The following COQ9 variants were observed in gnomAD, a reference collection of about 807,000 sequenced individuals.
The protein encoded by COQ9 is coenzyme Q9.
A neutral mutation model predicts 42.4 loss-of-function variants in COQ9; 35 were observed. The ratio of observed to expected loss-of-function variants is 0.83; its 90% CI spans 0.63 to 1.10. The LOEUF is 1.10. COQ9 is among the 50% of genes least tolerant of loss of function. The pLI, the probability that COQ9 is intolerant of heterozygous loss-of-function variation, is 0.00. For synonymous variants in COQ9, 155 were observed against 155.1 expected (o/e 1.00, Z 0.00); for missense variants, 406 against 414.6 (o/e 0.98, Z 0.18).
chr16:57,457,138 G>A (rs151301373), intron 5 of COQ9, 123 bp downstream of exon 5: 49 of 797,066 alleles, frequency 6.1e-5, no homozygotes, highest in Admixed American at 2.6e-4. Flanking sequence ...CTATAAACCC[G>A]ACAATACTTA....
At chr16:57,448,072 A>G (rs2030174126) in intron 1 of COQ9, among the ~76,000 whole-genome samples, 1 of 152,230 alleles carries the variant, frequency 6.6e-6, no homozygotes, top group African/African-American at 2.4e-5. Flanking sequence ...GAGTTCTTAA[A>G]GAGGAAACTT....
At chr16:57,460,557 C>A (rs184637775) in intron 8 of COQ9, 32 bp from the exon 9 acceptor site, 2 of 1,611,076 alleles carry the variant, frequency 1.2e-6, no homozygotes, top group South Asian at 2.2e-5. Context: ...GGTAAGCCCT[C>A]ACTATTCTCT....
chr16:57,457,897 G>A (rs1401748615), intron 5 of COQ9, among the ~76,000 whole-genome samples: 1 of 152,226 alleles, frequency 6.6e-6, no homozygotes, highest in Non-Finnish European at 1.5e-5. Context: ...GCTGATGTGT[G>A]TGAACGGACT....
At chr16:57,453,035 C>T (rs1300555252) in intron 3 of COQ9, 99 bp downstream of exon 3, 12 of 1,484,196 alleles carry the variant, frequency 8.1e-6, no homozygotes, top group Non-Finnish European at 1.0e-5. Flanking sequence ...CAGTCTAGCT[C>T]AGAGCCCCTC....
chr16:57,453,154 A>G (rs2030327366), intron 3 of COQ9: 1 of 604,528 alleles, frequency 1.7e-6, no homozygotes, highest in African/African-American at 1.8e-5. Flanking sequence ...TGTGTTCTAA[A>G]GGCAATCTAT....
At chr16:57,456,326 C>A in intron 3 of COQ9, 178 bp from the exon 4 acceptor site, 1 of 680,226 alleles carries the variant, frequency 1.5e-6, no homozygotes. Context: ...CTTGCACACA[C>A]ACCAAGGGGC....
Position 57,451,184 on chromosome 16 carries a change from C to G in COQ9, c.218C>G (p.Pro73Arg), listed in dbSNP as rs1168034413. 1 of 1,614,174 alleles carries G rather than the reference C, an allele frequency of 6.2e-7. No individual in the cohort carries two copies. ...ACACAGGGGGCAGAAAAACCTGATC[C>G]AGAGTCTTCTCATTCACCCCCCAGG... ...SETQGAEKPD[P>R]ESSHSPPRYT... Residue 73 changes from proline (P) to arginine (R), a missense_variant, in exon 2 of 9, where the codon CCA becomes CGA. Pro to Arg is a moderately radical substitution (Grantham distance 103). Transcript: ENST00000262507.
At chr16:57,457,180 G>T in intron 5 of COQ9, 165 bp downstream of exon 5, 1 of 706,894 alleles carries the variant, frequency 1.4e-6, no homozygotes, top group Non-Finnish European at 2.6e-6. Context: ...TTCAAACTTG[G>T]ACATACCAAA....
chr16:57,450,142 T>C (rs1325428345), intron 1 of COQ9, among the ~76,000 whole-genome samples: 2 of 152,204 alleles, frequency 1.3e-5, no homozygotes, highest in African/African-American at 4.8e-5. Context: ...AGGCTGGGCA[T>C]GATGGCTCAC....
chr16:57,452,677 G>A (rs1264936533), intron 2 of COQ9, 124 bp from the exon 3 acceptor site: 1 of 1,169,146 alleles, frequency 8.6e-7, no homozygotes, highest in African/African-American at 1.5e-5. Flanking sequence ...CACATTGATA[G>A]TGACACAAGA....
intron 3 of COQ9, chr16:57,453,428 C>CT (rs2030334944): frequency 1.1e-5 from 3 of 262,928 alleles, no homozygotes; most frequent in South Asian, 8.6e-5. Context: ...CCCAGAAACT[C>CT]TAATAGCATT....
chr16:57,460,057 T>C lies in COQ9; in HGVS notation c.874T>C (p.Ser292Pro), dbSNP rs1234199793. ...NMGHTAKQVK[S>P]TGEALVQGLM... ...TGACACTGACTCCTTCTAGGTAAAG[T>C]CCACAGGAGAGGCACTGGTGCAAGG... Residue 292 changes from serine (S) to proline (P), a missense_variant, in exon 8 of 9, where the codon TCC becomes CCC. By Grantham distance (74) the Ser-to-Pro change is moderately conservative. Transcript: ENST00000262507. The C allele has an allele frequency of 1.2e-6, 2 of 1,614,022 alleles. No homozygotes were observed. Among genetic ancestry groups the C allele is most frequent in the Admixed American group, 1.7e-5 (1 of 60,020 alleles).
Position 57,458,155 on chromosome 16 carries a change from C to T in COQ9, c.607-91C>T, listed in dbSNP as rs923564210. 3 of 932,196 alleles carry T rather than the reference C, an allele frequency of 3.2e-6. No individual in the cohort carries two copies. In the East Asian group the frequency reaches 7.9e-5, roughly 25 times the overall value. The allele number at this position is 932,196 out of a possible 1,614,324, so 57.7% of individuals were successfully genotyped here. A position where few individuals can be genotyped will look rare whatever the true frequency, so the allele number is the denominator to read the frequency against. ...CTCAGAGAACCAGAGCTTGGCAGGC[C>T]CCCTCATACACCTCTTGGAGAGGTA... On this transcript the variant is annotated intron_variant, in intron 5 of 8. Coordinates refer to ENST00000262507, the MANE Select transcript of COQ9 (RefSeq NM_020312.4).
At chr16:57,449,919 G>A in intron 1 of COQ9, among the ~76,000 whole-genome samples, 1 of 152,176 alleles carries the variant, frequency 6.6e-6, no homozygotes, top group African/African-American at 2.4e-5. Context: ...GCATTTCATT[G>A]TGTGTAAATG....
intron 7 of COQ9, 99 bp downstream of exon 7, chr16:57,459,819 T>A: frequency 7.2e-7 from 1 of 1,389,218 alleles, no homozygotes. Context: ...CAGCTGACAG[T>A]CCTGAGGGCC....
chr16:57,458,216 G>A, intron 5 of COQ9, 30 bp from the exon 6 acceptor site: 1 of 1,519,230 alleles, frequency 6.6e-7, no homozygotes, highest in Non-Finnish European at 9.0e-7. Context: ...CCTGTGAGCA[G>A]AGCTTACTCC....
Position 57,454,822 on chromosome 16 carries a change from G to A in COQ9, c.379-1682G>A, listed in dbSNP as rs143482542. Reference sequence around the variant, plus strand: ...GAAAAAGAAGGATGGTACGTTAGAAGAACCACAGAGAACCACCATGCAGAG... The same window carrying A: ...GAAAAAGAAGGATGGTACGTTAGAAAAACCACAGAGAACCACCATGCAGAG... On this transcript the variant is annotated intron_variant, in intron 3 of 8. Coordinates refer to ENST00000262507, the MANE Select transcript of COQ9 (RefSeq NM_020312.4). Among the ~76,000 whole-genome samples, 366 of 152,260 alleles carry A rather than the reference G, an allele frequency of 2.4e-3. 7 individuals are homozygous for A. The highest frequency in any genetic ancestry group is 0.017 in the Admixed American group (262 of 15,288).
chr16:57,460,666 G>A lies in COQ9; in HGVS notation c.*42G>A, dbSNP rs759887480. ...CTACAATGCCTAGAAGAGAATGAGC[G>A]GACAGATTGAAAGAGCTTTGAAAAG... On this transcript the variant is annotated 3_prime_UTR_variant, in exon 9 of 9. Coordinates refer to ENST00000262507, the MANE Select transcript of COQ9 (RefSeq NM_020312.4). The A allele has an allele frequency of 1.3e-5, 20 of 1,585,312 alleles. No individual in the cohort carries two copies. Among genetic ancestry groups the A allele is most frequent in the Middle Eastern group, 3.3e-4 (2 of 6,022 alleles).
At chr16:57,456,878 C>T (rs546674815) in intron 4 of COQ9, 53 bp from the exon 5 acceptor site, 2 of 1,515,032 alleles carry the variant, frequency 1.3e-6, no homozygotes, top group Non-Finnish European at 1.8e-6. Flanking sequence ...CCGTGGAGCA[C>T]TGAGCCCCTG....
Sources: allele counts gnomAD v4.1 joint callset (sites outside exome capture counted in the v4.1 genomes callset), GRCh38; gene constraint gnomAD v4.1.1; transcripts MANE v1.5; gene names NCBI Gene and HGNC (gene_info 2026-07-23, HGNC 2026-07-21).